Variants in ULK4 observed in about 807,000 individuals in gnomAD.
ULK4 encodes the protein unc-51 like kinase 4, also known as inactive serine/threonine-protein kinase ULK4.
A neutral mutation model predicts 160.6 loss-of-function variants in ULK4; 133 were observed. The observed-to-expected ratio is 0.83, with a 90% CI of 0.72 to 0.96. The LOEUF (loss-of-function observed/expected upper bound fraction) is 0.96. Ranked by LOEUF, ULK4 falls within the 40% of genes least tolerant of loss-of-function variation. The pLI is 0.00. For synonymous variants in ULK4, 534 were observed against 539.8 expected (o/e 0.99, Z 0.15); for missense variants, 1,580 against 1,499.5 (o/e 1.05, Z -0.89).
intron 22 of ULK4, among the ~76,000 whole-genome samples, chr3:41,733,753 T>TTTTA (rs1197898146): frequency 4.3e-5 from 6 of 140,210 alleles, no homozygotes; most frequent in African/African-American, 1.4e-4. Context: ...TTTTTTTTTT[T>TTTTA]AGACAGAGTC....
chr3:41,908,690 C>A (rs1418904101), intron 11 of ULK4, among the ~76,000 whole-genome samples: 1 of 152,080 alleles, frequency 6.6e-6, no homozygotes, highest in African/African-American at 2.4e-5. Flanking sequence ...ATGATCCACC[C>A]GCCTCAGCCA....
intron 21 of ULK4, among the ~76,000 whole-genome samples, chr3:41,765,764 T>C (rs1257460713): frequency 6.6e-6 from 1 of 152,176 alleles, no homozygotes; most frequent in Non-Finnish European, 1.5e-5. Context: ...TCTTTCAAAA[T>C]GAATATATTA....
chr3:41,599,701 G>A (rs571313054), intron 31 of ULK4, among the ~76,000 whole-genome samples: 3 of 151,636 alleles, frequency 2.0e-5, no homozygotes, highest in African/African-American at 4.8e-5. Flanking sequence ...AATAGCTGGG[G>A]TTACAGGCAC....
At chr3:41,655,840 T>G (rs2034918028) in intron 30 of ULK4, among the ~76,000 whole-genome samples, 1 of 152,184 alleles carries the variant, frequency 6.6e-6, no homozygotes, top group African/African-American at 2.4e-5. Flanking sequence ...CTCAAACATC[T>G]CTGATGATTT....
At chr3:41,949,546 C>A (rs1273205008) in intron 2 of ULK4, among the ~76,000 whole-genome samples, 1 of 151,084 alleles carries the variant, frequency 6.6e-6, no homozygotes, top group Non-Finnish European at 1.5e-5. Context: ...GATTCTCCTG[C>A]CTCAGCCTCC....
At chr3:41,668,063 T>A (rs920680749) in intron 29 of ULK4, among the ~76,000 whole-genome samples, 1 of 152,154 alleles carries the variant, frequency 6.6e-6, no homozygotes, top group East Asian at 1.9e-4. Context: ...AAACAATTGG[T>A]CAAGTGAAGG....
chr3:41,516,148 A>G (rs998504973), intron 32 of ULK4, among the ~76,000 whole-genome samples: 3 of 152,212 alleles, frequency 2.0e-5, no homozygotes, highest in Admixed American at 6.5e-5. Context: ...GTGAAACTCA[A>G]TAGGTCTTGA....
At chr3:41,644,028 T>G (rs1238850145) in intron 30 of ULK4, among the ~76,000 whole-genome samples, 2 of 152,320 alleles carry the variant, frequency 1.3e-5, no homozygotes, top group Admixed American at 1.3e-4. Flanking sequence ...CTTGTGATTG[T>G]TGTATATTGA....
intron 29 of ULK4, among the ~76,000 whole-genome samples, chr3:41,664,199 T>C (rs939693488): frequency 2.6e-5 from 4 of 152,286 alleles, no homozygotes; most frequent in South Asian, 2.1e-4. Flanking sequence ...GCTAGGCATA[T>C]AGTAAGAGAT....
In ULK4 at chr3:41,447,542, G is replaced by A. The variant is rs4973880; in HGVS notation, c.3492+7955C>T. 4.8e-3 allele frequency among the ~76,000 whole-genome samples: 726 copies of A among 152,082 alleles called. 10 individuals are homozygous for A. Among genetic ancestry groups the A allele is most frequent in the Admixed American group, 0.035 (537 of 15,282 alleles). Reference sequence around the variant, plus strand: ...TGGGAGAAAGCAGATCTGCAGTTCCGGGGCCTTTCTTCCCTAAAGCTAGAC... The same window carrying A: ...TGGGAGAAAGCAGATCTGCAGTTCCAGGGCCTTTCTTCCCTAAAGCTAGAC... On this transcript the variant is annotated intron_variant, in intron 34 of 36. Transcript: ENST00000301831.
At chr3:41,365,569 C>G (rs1014692455) in intron 35 of ULK4, among the ~76,000 whole-genome samples, 1 of 152,166 alleles carries the variant, frequency 6.6e-6, no homozygotes, top group Non-Finnish European at 1.5e-5. Flanking sequence ...TACACTATAT[C>G]TCATTTAATC....
intron 35 of ULK4, among the ~76,000 whole-genome samples, chr3:41,285,319 C>T (rs1268154290): frequency 1.3e-5 from 2 of 152,108 alleles, no homozygotes; most frequent in East Asian, 3.8e-4. Flanking sequence ...TTTGCAACTG[C>T]AAAATCGTGA....
chr3:41,785,611 C>G (rs2039978859), intron 21 of ULK4, among the ~76,000 whole-genome samples: 1 of 152,190 alleles, frequency 6.6e-6, no homozygotes, highest in Admixed American at 6.5e-5. Context: ...TTCCTTCTCC[C>G]TGTTCAACAG....
chr3:41,430,302 A>G (rs1306017968), intron 34 of ULK4, among the ~76,000 whole-genome samples: 1 of 152,252 alleles, frequency 6.6e-6, no homozygotes, highest in African/African-American at 2.4e-5. Flanking sequence ...GGCATTTAGC[A>G]TAAGTTCCAT....
intron 32 of ULK4, among the ~76,000 whole-genome samples, chr3:41,558,109 G>A (rs1318506142): frequency 6.6e-6 from 1 of 152,060 alleles, no homozygotes; most frequent in African/African-American, 2.4e-5. Context: ...TCCAATTCCA[G>A]GAATTTCTCC....
intron 35 of ULK4, among the ~76,000 whole-genome samples, chr3:41,325,227 C>T (rs575801644): frequency 6.6e-6 from 1 of 152,136 alleles, no homozygotes; most frequent in South Asian, 2.1e-4. Context: ...AGATAACCAC[C>T]CCTTTTCAAA....
intron 35 of ULK4, among the ~76,000 whole-genome samples, chr3:41,369,339 T>C (rs890729548): frequency 6.6e-6 from 1 of 151,892 alleles, no homozygotes; most frequent in East Asian, 1.9e-4. Flanking sequence ...CTAAAAATAC[T>C]AGAAATTAGC....
Position 41,462,730 on chromosome 3 carries a change from C to T in ULK4, c.3393+357G>A, listed in dbSNP as rs191550014. On this transcript the variant is annotated intron_variant, in intron 33 of 36. Coordinates refer to ENST00000301831, the MANE Select transcript of ULK4 (RefSeq NM_017886.4). ...CATTATTCCTAGAAAGCTGACCTAT[C>T]CTGCTGAGGGGGAACTGGAGAGCCA... Among the ~76,000 whole-genome samples the T allele has an allele frequency of 6.6e-5, 10 of 152,288 alleles. No individual in the cohort carries two copies. The East Asian group carries it at 1.9e-3, about 29-fold the overall frequency.
chr3:41,908,172 A>G (rs1698646687), intron 11 of ULK4, among the ~76,000 whole-genome samples: 1 of 152,204 alleles, frequency 6.6e-6, no homozygotes, highest in South Asian at 2.1e-4. Flanking sequence ...CTTTTTAACT[A>G]GAAACCTTCA....
Sources: allele counts gnomAD v4.1 joint callset (sites outside exome capture counted in the v4.1 genomes callset), GRCh38; gene constraint gnomAD v4.1.1; transcripts MANE v1.5; gene names NCBI Gene and HGNC (gene_info 2026-07-23, HGNC 2026-07-21).